The following PTPRG variants were observed in gnomAD, a reference collection of about 807,000 sequenced individuals.
PTPRG encodes the protein protein tyrosine phosphatase receptor type G.
PTPRG carries 102 observed loss-of-function variants against 165.3 expected under a neutral mutation model. The ratio of observed to expected loss-of-function variants is 0.62; its 90% confidence interval spans 0.53 to 0.73. The LOEUF (loss-of-function observed/expected upper bound fraction) is 0.73, where lower values mean the gene tolerates loss of function less well. Ranked by LOEUF, PTPRG falls within the 30% of genes least tolerant of loss-of-function variation. The pLI is 0.00. For missense variants in PTPRG, 1,866 were observed against 1,861.4 expected, an observed-to-expected ratio of 1.00 and a Z score of -0.05; for synonymous variants, 675 against 669.5, an observed-to-expected ratio of 1.01 and a Z score of -0.13.
intron 4 of PTPRG, among the ~76,000 whole-genome samples, chr3:62,071,899 C>G (rs1701221403): frequency 6.6e-6 from 1 of 152,138 alleles, no homozygotes; most frequent in African/African-American, 2.4e-5. Context: ...ACCTAGCATA[C>G]AGTAGGTACT....
chr3:61,646,162 G>A (rs1416166572), intron 1 of PTPRG, among the ~76,000 whole-genome samples: 1 of 152,102 alleles, frequency 6.6e-6, no homozygotes, highest in East Asian at 1.9e-4. Context: ...CTGGAGTGCA[G>A]TGGCGCAGTC....
chr3:61,893,840 C>G (rs978431151), intron 2 of PTPRG, among the ~76,000 whole-genome samples: 1 of 152,158 alleles, frequency 6.6e-6, no homozygotes, highest in Non-Finnish European at 1.5e-5. Flanking sequence ...GCAAACAACT[C>G]TTAAAGGATG....
chr3:62,035,615 C>T (rs1322708390), intron 4 of PTPRG, among the ~76,000 whole-genome samples: 1 of 152,204 alleles, frequency 6.6e-6, no homozygotes, highest in Non-Finnish European at 1.5e-5. Flanking sequence ...TGAAACCTTG[C>T]CACTGACATT....
At chr3:61,779,406 C>T (rs1214288864) in intron 2 of PTPRG, among the ~76,000 whole-genome samples, 4 of 152,168 alleles carry the variant, frequency 2.6e-5, no homozygotes, top group Non-Finnish European at 5.9e-5. Context: ...TAATTGCCTT[C>T]CTAATGACAC....
At chr3:62,130,670 C>A (rs1703481167) in intron 5 of PTPRG, among the ~76,000 whole-genome samples, 1 of 152,180 alleles carries the variant, frequency 6.6e-6, no homozygotes, top group Non-Finnish European at 1.5e-5. Context: ...GCCACTTTTA[C>A]TGGTTAGGTT....
chr3:61,918,925 C>T (rs2039008098), intron 2 of PTPRG, among the ~76,000 whole-genome samples: 1 of 152,144 alleles, frequency 6.6e-6, no homozygotes, highest in African/African-American at 2.4e-5. Flanking sequence ...GTAAATACTC[C>T]TTTATCCCTT....
chr3:61,694,039 G>T (rs934061678), intron 1 of PTPRG, among the ~76,000 whole-genome samples: 7 of 151,046 alleles, frequency 4.6e-5, no homozygotes, highest in Non-Finnish European at 1.0e-4. Context: ...GAGAGAGAGA[G>T]AGAGGGAAGC....
At chr3:62,146,669 G>A (rs1044724681) in intron 6 of PTPRG, among the ~76,000 whole-genome samples, 1 of 151,718 alleles carries the variant, frequency 6.6e-6, no homozygotes, top group Non-Finnish European at 1.5e-5. Flanking sequence ...ATATAGGAGT[G>A]CAGGGGTTGG....
intron 1 of PTPRG, among the ~76,000 whole-genome samples, chr3:61,579,734 CTT>C (rs1410476703): frequency 1.3e-5 from 2 of 152,198 alleles, no homozygotes; most frequent in Admixed American, 6.5e-5. Context: ...ATTTTGGGTA[CTT>C]TAAGAGCTGA....
At chr3:61,821,764 A>T (rs763096370) in intron 2 of PTPRG, among the ~76,000 whole-genome samples, 2 of 152,244 alleles carry the variant, frequency 1.3e-5, no homozygotes, top group Non-Finnish European at 2.9e-5. Context: ...ACTGAATATG[A>T]TAATGATTGA....
At chr3:61,994,560 G>A (rs2040975166) in intron 3 of PTPRG, among the ~76,000 whole-genome samples, 1 of 152,144 alleles carries the variant, frequency 6.6e-6, no homozygotes, top group Admixed American at 6.5e-5. Context: ...TATAGATGGG[G>A]AAGTCAAGAG....
chr3:62,263,418 C>A (rs1451680911), intron 17 of PTPRG: 1 of 153,110 alleles, frequency 6.5e-6, no homozygotes, highest in Non-Finnish European at 1.5e-5. Flanking sequence ...AGGTTAGGGA[C>A]TCAAACAAAT....
chr3:62,270,305 A>G (rs1702018587), intron 20 of PTPRG, among the ~76,000 whole-genome samples: 2 of 152,166 alleles, frequency 1.3e-5, no homozygotes, highest in Non-Finnish European at 2.9e-5. Context: ...AGTGGCTCCA[A>G]AGCCCATCTG....
chr3:61,815,952 T>C (rs2035750620), intron 2 of PTPRG, among the ~76,000 whole-genome samples: 1 of 152,248 alleles, frequency 6.6e-6, no homozygotes, highest in Non-Finnish European at 1.5e-5. Context: ...AAGTCACTGG[T>C]GACTGGCCAT....
rs540924001 is a variant in PTPRG at position 61,653,629 on chromosome 3, C to A, written c.85+91257C>A. Among the ~76,000 whole-genome samples, 5 of 152,258 alleles carry A rather than the reference C, an allele frequency of 3.3e-5. No homozygotes were observed. The East Asian group carries it at 9.7e-4, about 29-fold the overall frequency. On this transcript the variant is annotated intron_variant, in intron 1 of 29. Coordinates refer to ENST00000474889, the MANE Select transcript of PTPRG (RefSeq NM_002841.4). Reference sequence around the variant, plus strand: ...TCCAGCTGCGTATGTGTAGCTAAATCATTGCATATGTCTTTGTTTTGTTAG... The same window carrying A: ...TCCAGCTGCGTATGTGTAGCTAAATAATTGCATATGTCTTTGTTTTGTTAG...
intron 2 of PTPRG, among the ~76,000 whole-genome samples, chr3:61,813,342 AAAAAT>A (rs1559625956): frequency 6.7e-6 from 1 of 150,000 alleles, no homozygotes; most frequent in East Asian, 1.9e-4. Flanking sequence ...AAAAAAAAAA[AAAAAT>A]AGAAAAAAAA....
intron 1 of PTPRG, among the ~76,000 whole-genome samples, chr3:61,699,869 G>A (rs1354840433): frequency 1.3e-5 from 2 of 152,184 alleles, no homozygotes; most frequent in Non-Finnish European, 2.9e-5. Flanking sequence ...TGAAACACTT[G>A]AAAAGCTTCA....
intron 2 of PTPRG, among the ~76,000 whole-genome samples, chr3:61,959,174 A>G (rs1389050126): frequency 6.6e-6 from 1 of 152,172 alleles, no homozygotes; most frequent in Non-Finnish European, 1.5e-5. Flanking sequence ...ATGACTAGTT[A>G]TGTGTTCCAA....
At chr3:61,795,781 T>C (rs1170186334) in intron 2 of PTPRG, among the ~76,000 whole-genome samples, 1 of 152,128 alleles carries the variant, frequency 6.6e-6, no homozygotes, top group African/African-American at 2.4e-5. Context: ...TTAAGGCTAT[T>C]GATTACTAGT....
Sources: gnomAD v4.1 joint callset for allele counts (sites outside exome capture counted in the v4.1 genomes callset) on GRCh38, gnomAD v4.1.1 for gene constraint, MANE v1.5 for transcripts, NCBI Gene and HGNC (gene_info 2026-07-23, HGNC 2026-07-21) for gene names.